EXD3: variants seen among roughly 807,000 people sequenced by gnomAD.
EXD3 encodes exonuclease mut-7 homolog.
A neutral mutation model predicts 98.0 loss-of-function variants in EXD3; 92 were observed. That is an observed-to-expected ratio of 0.94 (90% CI 0.79 to 1.12). EXD3 has a LOEUF of 1.12. Among genes scored for constraint, EXD3 ranks in the 50% most tolerant of loss-of-function variants. The pLI, the probability that EXD3 is intolerant of heterozygous loss-of-function variation, is 0.00. For synonymous variants in EXD3, 569 were observed against 526.0 expected (o/e 1.08, Z -1.12); for missense variants, 1,222 against 1,191.6 (o/e 1.03, Z -0.38).
chr9:137,336,193 A>G (rs1398219091), intron 17 of EXD3, among the ~76,000 whole-genome samples: 2 of 152,182 alleles, frequency 1.3e-5, no homozygotes, highest in Non-Finnish European at 2.9e-5. Flanking sequence ...TGGGTACAAT[A>G]TATACCATTT....
intron 2 of EXD3, among the ~76,000 whole-genome samples, chr9:137,391,416 C>T (rs2131748579): frequency 6.6e-6 from 1 of 152,322 alleles, no homozygotes; most frequent in South Asian, 2.1e-4. Context: ...GCATGGGTCT[C>T]CTCCGGGAAG....
At chr9:137,394,878 C>A (rs1837127839) in intron 2 of EXD3, among the ~76,000 whole-genome samples, 1 of 152,178 alleles carries the variant, frequency 6.6e-6, no homozygotes, top group Admixed American at 6.5e-5. Flanking sequence ...CCGCCCGAGA[C>A]CCAAGAGGCT....
intron 7 of EXD3, among the ~76,000 whole-genome samples, chr9:137,361,858 C>G (rs1835010774): frequency 6.6e-6 from 1 of 151,326 alleles, no homozygotes; most frequent in Non-Finnish European, 1.5e-5. Flanking sequence ...TACTGCAGGA[C>G]AAAAAGACAC....
chr9:137,387,619 G>A (rs755341773), intron 2 of EXD3, among the ~76,000 whole-genome samples: 11 of 152,238 alleles, frequency 7.2e-5, no homozygotes, highest in South Asian at 4.2e-4. Flanking sequence ...AGCCCTGGGG[G>A]ACACACCCCA....
intron 1 of EXD3, among the ~76,000 whole-genome samples, chr9:137,400,849 C>CAGTCAAAT (rs1470007477): frequency 6.6e-6 from 1 of 152,084 alleles, no homozygotes; most frequent in Non-Finnish European, 1.5e-5. Flanking sequence ...TCCAGAAGGG[C>CAGTCAAAT]AGTCAAATTT....
chr9:137,351,275 CT>C, intron 13 of EXD3, 42 bp downstream of exon 13: 1 of 1,579,052 alleles, frequency 6.3e-7, no homozygotes, highest in Non-Finnish European at 8.6e-7. Flanking sequence ...GTGCGGGCTG[CT>C]TTCTTTCTGG....
chr9:137,314,103 G>A (rs1342078042), intron 19 of EXD3, among the ~76,000 whole-genome samples: 1 of 152,198 alleles, frequency 6.6e-6, no homozygotes, highest in Non-Finnish European at 1.5e-5. Context: ...CCAACCGATG[G>A]TGGGGACTGG....
intron 7 of EXD3, chr9:137,365,977 GACAC>G (rs937407194): frequency 4.0e-5 from 21 of 520,756 alleles, no homozygotes; most frequent in South Asian, 2.2e-4. Flanking sequence ...CACACACAGA[GACAC>G]ACACATGCAC....
intron 3 of EXD3, among the ~76,000 whole-genome samples, chr9:137,382,649 G>A (rs1836374907): frequency 6.6e-6 from 1 of 152,186 alleles, no homozygotes; most frequent in Non-Finnish European, 1.5e-5. Context: ...GCTGGGGTCA[G>A]AGGGCATCCC....
chr9:137,332,496 G>A (rs1010804580), intron 17 of EXD3, among the ~76,000 whole-genome samples: 9 of 151,030 alleles, frequency 6.0e-5, no homozygotes, highest in Admixed American at 1.3e-4. Context: ...CTGAGGCAGG[G>A]GAATCCCTTC....
At chr9:137,351,260 C>T in intron 13 of EXD3, 58 bp downstream of exon 13, 1 of 1,557,764 alleles carries the variant, frequency 6.4e-7, no homozygotes, top group South Asian at 1.2e-5. Context: ...AAGGGTCAGG[C>T]AGGGGTGCGG....
At position 137,349,926 on chromosome 9, in the gene EXD3, C is replaced by CG. The variant is rs1834170324; in HGVS notation, c.1495-396_1495-395insC. On this transcript the variant is annotated intron_variant, in intron 14 of 21. Transcript: ENST00000340951. The surrounding 1 kb of genome is among the most constrained non-coding windows in gnomAD (Gnocchi z 7.4). ...CAGACAAAATGCAGCGAAACCACCC[C>CG]CGGGGGGCTCTAGTGCTCATGCTAG... 6.6e-6 allele frequency among the ~76,000 whole-genome samples: 1 copy of CG among 151,818 alleles called. No individual in the cohort carries two copies. The highest frequency in any genetic ancestry group is 2.4e-5 in the African/African-American group (1 of 41,280).
intron 1 of EXD3, among the ~76,000 whole-genome samples, chr9:137,418,104 T>G (rs529007828): frequency 1.3e-5 from 2 of 152,158 alleles, no homozygotes; most frequent in Non-Finnish European, 2.9e-5. Context: ...CCCAGCACTT[T>G]GGGAGGCCGA....
At chr9:137,401,854 A>G (rs1837495595) in intron 1 of EXD3, among the ~76,000 whole-genome samples, 1 of 152,140 alleles carries the variant, frequency 6.6e-6, no homozygotes. Context: ...ACCTGGAGAC[A>G]TTTTCCCCAT....
intron 1 of EXD3, among the ~76,000 whole-genome samples, chr9:137,396,381 A>G (rs184198764): frequency 1.2e-4 from 19 of 152,318 alleles, no homozygotes; most frequent in African/African-American, 4.3e-4. Context: ...GCATAGCTTT[A>G]GTTTGAATCA....
Position 137,351,531 on chromosome 9 carries a change from G to A in EXD3, c.1174-3C>T, listed in dbSNP as rs751364351. On this transcript the variant is annotated splice_polypyrimidine_tract_variant and splice_region_variant and intron_variant, in intron 12 of 21. Transcript: ENST00000340951. ...TCTACACCAACCACTTGGTGGCACTGCGGGCAGAGAGGGGCAGATGTGATC... is the reference window on the plus strand; with the variant it reads ...TCTACACCAACCACTTGGTGGCACTACGGGCAGAGAGGGGCAGATGTGATC... 8.9e-6 allele frequency: 14 copies of A among 1,579,804 alleles called. No individual in the cohort carries two copies. The highest frequency in any genetic ancestry group is 1.0e-5 in the Non-Finnish European group (12 of 1,164,438).
chr9:137,379,073 G>A (rs11497283), intron 3 of EXD3, among the ~76,000 whole-genome samples: 31 of 92,162 alleles, frequency 3.4e-4, no homozygotes, highest in Admixed American at 4.9e-4. Flanking sequence ...TGAGGGGTAC[G>A]GGGTTTGTGG....
intron 18 of EXD3, 91 bp downstream of exon 18, chr9:137,323,999 G>A: frequency 6.5e-7 from 1 of 1,529,664 alleles, no homozygotes. Flanking sequence ...CGGCCCCACG[G>A]CAAGCTGACC....
intron 12 of EXD3, 87 bp downstream of exon 12, chr9:137,351,979 C>T (rs991485081): frequency 1.3e-6 from 2 of 1,491,412 alleles, no homozygotes; most frequent in Non-Finnish European, 1.8e-6. Context: ...CCTTGCCTCT[C>T]TCCGAATGCC....
Sources: allele counts gnomAD v4.1 joint callset (sites outside exome capture counted in the v4.1 genomes callset), GRCh38; gene constraint gnomAD v4.1.1; non-coding constraint Gnocchi (gnomAD v3.1); transcripts MANE v1.5; gene names NCBI Gene and HGNC (gene_info 2026-07-23, HGNC 2026-07-21).